Variants in PHF24 observed in about 807,000 individuals in gnomAD.
The protein encoded by PHF24 is PHD finger protein 24, also known as Galpha inhibitory interacting protein.
PHF24 carries 25 observed loss-of-function variants against 42.6 expected under a neutral mutation model. The ratio of observed to expected loss-of-function variants is 0.59; its 90% CI spans 0.43 to 0.82. PHF24 has a LOEUF of 0.82. Among genes scored for constraint, PHF24 ranks in the 40% least tolerant of loss-of-function variants. PHF24 has a pLI of 0.00. For missense variants in PHF24, 470 were observed against 538.1 expected (o/e 0.87, Z 1.25); for synonymous variants, 185 against 204.8 (o/e 0.90, Z 0.83).
the PHF24 span, among the ~76,000 whole-genome samples, chr9:34,686,371 C>T: frequency 6.6e-6 from 1 of 152,182 alleles, no homozygotes; most frequent in Non-Finnish European, 1.5e-5. Flanking sequence ...CGCTCAACCA[C>T]ACAACAGAGA....
the PHF24 span, among the ~76,000 whole-genome samples, chr9:34,845,889 G>C: frequency 6.6e-6 from 1 of 151,876 alleles, no homozygotes; most frequent in Non-Finnish European, 1.5e-5. Flanking sequence ...TGAGAATGAT[G>C]ATTTCCAGTT....
the PHF24 span, among the ~76,000 whole-genome samples, chr9:34,817,482 C>A: frequency 6.6e-6 from 1 of 152,152 alleles, no homozygotes; most frequent in African/African-American, 2.4e-5. Context: ...TGGCCTCAAA[C>A]GATCCTCCTG....
the PHF24 span, among the ~76,000 whole-genome samples, chr9:34,915,793 G>T: frequency 2.6e-5 from 4 of 152,156 alleles, 1 homozygote; most frequent in Non-Finnish European, 5.9e-5. Flanking sequence ...CCTCTTAGGG[G>T]TGGTATCCTT....
exon 3 of PHF24, chr9:34,972,436 G>C: frequency 6.2e-7 from 1 of 1,614,166 alleles, no homozygotes; most frequent in Non-Finnish European, 8.5e-7. Context: ...TTTCCATGAT[G>C]GCTGCCTGCG....
chr9:34,666,274 G>A, the PHF24 span, among the ~76,000 whole-genome samples: 1 of 152,088 alleles, frequency 6.6e-6, no homozygotes, highest in Admixed American at 6.5e-5. Flanking sequence ...TTCCGCAGCA[G>A]GCAGCAAGAA....
chr9:34,801,726 C>CA, the PHF24 span, among the ~76,000 whole-genome samples: 2,410 of 146,198 alleles, frequency 0.016, 20 homozygotes, highest in Non-Finnish European at 0.026. Flanking sequence ...GACTCCATCT[C>CA]AAAAAAAAAA....
the PHF24 span, among the ~76,000 whole-genome samples, chr9:34,826,902 T>C: frequency 1.3e-5 from 2 of 152,128 alleles, no homozygotes; most frequent in East Asian, 1.9e-4. Flanking sequence ...CTGGGGAAGA[T>C]AGAACATGGA....
the PHF24 span, among the ~76,000 whole-genome samples, chr9:34,680,683 G>A: frequency 3.6e-5 from 3 of 83,430 alleles, no homozygotes; most frequent in Admixed American, 1.3e-4. Flanking sequence ...GCGAGACTCC[G>A]TCTCAAAAAA....
chr9:34,744,978 T>G, the PHF24 span, among the ~76,000 whole-genome samples: 1 of 152,158 alleles, frequency 6.6e-6, no homozygotes, highest in Admixed American at 6.5e-5. Context: ...TTGACAGGAA[T>G]ATTTTAGCAC....
chr9:34,786,568 C>T, the PHF24 span, among the ~76,000 whole-genome samples: 1 of 152,348 alleles, frequency 6.6e-6, no homozygotes, highest in African/African-American at 2.4e-5. Context: ...ATAAATTTCA[C>T]ACTCCTACAT....
the PHF24 span, among the ~76,000 whole-genome samples, chr9:34,752,635 C>G: frequency 6.6e-6 from 1 of 152,184 alleles, no homozygotes; most frequent in Non-Finnish European, 1.5e-5. Context: ...CAATCCTACT[C>G]AAACTATTCT....
the PHF24 span, among the ~76,000 whole-genome samples, chr9:34,928,864 A>G: frequency 6.6e-6 from 1 of 152,154 alleles, no homozygotes; most frequent in East Asian, 1.9e-4. Context: ...GGAAGCACCA[A>G]ACTCCATTAC....
chr9:34,767,643 C>G, the PHF24 span, among the ~76,000 whole-genome samples: 1 of 152,238 alleles, frequency 6.6e-6, no homozygotes, highest in Non-Finnish European at 1.5e-5. Flanking sequence ...AACTCCCTGA[C>G]CCCTTGCGCT....
chr9:34,709,214 TGCAGGGTA>T, the PHF24 span: 2 of 770,934 alleles, frequency 2.6e-6, no homozygotes, highest in Admixed American at 2.6e-5. Flanking sequence ...AGCTCAGCCA[TGCAGGGTA>T]GAGCTGGGAA....
the PHF24 span, among the ~76,000 whole-genome samples, chr9:34,740,116 A>G: frequency 6.6e-6 from 1 of 152,194 alleles, no homozygotes; most frequent in Non-Finnish European, 1.5e-5. Context: ...ACAATCCCTG[A>G]GCTAGACATA....
chr9:34,909,036 G>T, the PHF24 span, among the ~76,000 whole-genome samples: 1 of 151,426 alleles, frequency 6.6e-6, no homozygotes, highest in South Asian at 2.1e-4. Flanking sequence ...TTTTAGTAGA[G>T]ATGGGGTTTC....
At chr9:34,918,025 AC>A in the PHF24 span, 1 of 1,258,248 alleles carries the variant, frequency 7.9e-7, no homozygotes, top group Non-Finnish European at 1.2e-6. Flanking sequence ...CACCAGTACC[AC>A]ATCTGTGCCT....
At chr9:34,773,845 G>C in the PHF24 span, among the ~76,000 whole-genome samples, 3 of 152,166 alleles carry the variant, frequency 2.0e-5, no homozygotes, top group Non-Finnish European at 4.4e-5. Flanking sequence ...AACTGTCACA[G>C]GCAAGAGGAA....
chr9:34,716,863 C>G, the PHF24 span, among the ~76,000 whole-genome samples: 9 of 152,332 alleles, frequency 5.9e-5, no homozygotes, highest in East Asian at 1.3e-3. Flanking sequence ...CCCACCTCAG[C>G]CTTCCAAAGT....
Sources: gnomAD v4.1 joint callset for allele counts (sites outside exome capture counted in the v4.1 genomes callset) on GRCh38, gnomAD v4.1.1 for gene constraint, MANE v1.5 for transcripts, NCBI Gene and HGNC (gene_info 2026-07-23, HGNC 2026-07-21) for gene names.